GRM8: variants seen among roughly 807,000 people sequenced by gnomAD.
The protein encoded by GRM8 is metabotropic glutamate receptor 8.
Under a neutral mutation model 87.2 loss-of-function variants are expected in GRM8, and 47 were observed. That is an observed-to-expected ratio of 0.54 (90% CI 0.43 to 0.69). The LOEUF (loss-of-function observed/expected upper bound fraction) is 0.69, where lower values mean the gene tolerates loss of function less well. GRM8 is among the 30% of genes least tolerant of loss of function. The pLI, the probability that GRM8 is intolerant of heterozygous loss-of-function variation, is 0.00. For missense variants in GRM8, 1,019 were observed against 1,139.2 expected, an observed-to-expected ratio of 0.89 and a Z score of 1.52; for synonymous variants, 396 against 404.5, an observed-to-expected ratio of 0.98 and a Z score of 0.25.
chr7:127,213,066 G>A (rs917026173), intron 2 of GRM8, among the ~76,000 whole-genome samples: 6 of 152,140 alleles, frequency 3.9e-5, no homozygotes, highest in African/African-American at 1.2e-4. Flanking sequence ...TAATTGTACC[G>A]AGGGATATGA....
At chr7:126,584,306 A>AC (rs79805581) in intron 8 of GRM8, among the ~76,000 whole-genome samples, 46,854 of 151,624 alleles carry the variant, frequency 0.31, 8,099 homozygotes, top group East Asian at 0.44. Context: ...GCTCATTGCA[A>AC]CTCCATCTCC....
intron 3 of GRM8, among the ~76,000 whole-genome samples, chr7:127,022,768 G>A (rs1471400059): frequency 6.6e-6 from 1 of 152,032 alleles, no homozygotes; most frequent in East Asian, 1.9e-4. Context: ...TGTACATTTT[G>A]TTTCACCAAT....
chr7:126,523,501 T>A (rs1453337283), intron 9 of GRM8, among the ~76,000 whole-genome samples: 1 of 151,260 alleles, frequency 6.6e-6, no homozygotes, highest in African/African-American at 2.4e-5. Flanking sequence ...CCTCTCAATT[T>A]TTTTTTTTTT....
intron 7 of GRM8, among the ~76,000 whole-genome samples, chr7:126,763,814 T>C (rs1805758505): frequency 6.6e-6 from 1 of 151,974 alleles, no homozygotes; most frequent in Non-Finnish European, 1.5e-5. Context: ...ACTGGAATTA[T>C]AACATGCCTG....
intron 3 of GRM8, among the ~76,000 whole-genome samples, chr7:127,052,692 C>T (rs1367190434): frequency 2.0e-5 from 3 of 152,256 alleles, no homozygotes; most frequent in South Asian, 2.1e-4. Flanking sequence ...TTAGGCATCA[C>T]CTCTATCTCC....
At chr7:126,988,074 T>TAA (rs5887321) in intron 3 of GRM8, among the ~76,000 whole-genome samples, 1 of 148,216 alleles carries the variant, frequency 6.7e-6, no homozygotes, top group South Asian at 2.1e-4. Context: ...GCTCTTCGTT[T>TAA]AAAAAAAAAA....
intron 9 of GRM8, among the ~76,000 whole-genome samples, chr7:126,478,953 A>G (rs1321239903): frequency 6.6e-6 from 1 of 152,088 alleles, no homozygotes; most frequent in Non-Finnish European, 1.5e-5. Flanking sequence ...ATATGGGTAA[A>G]TCTGTTTTCA....
intron 7 of GRM8, among the ~76,000 whole-genome samples, chr7:126,632,148 T>G (rs1263546075): frequency 6.6e-6 from 1 of 152,140 alleles, no homozygotes; most frequent in Non-Finnish European, 1.5e-5. Flanking sequence ...AAAGGTCTGA[T>G]AGCCAGAATC....
chr7:126,477,115 T>C (rs930306321), intron 9 of GRM8, among the ~76,000 whole-genome samples: 3 of 152,160 alleles, frequency 2.0e-5, no homozygotes. Flanking sequence ...TGGAGAACAT[T>C]ACGCTAAGTG....
At chr7:127,053,929 A>G (rs1819731695) in intron 3 of GRM8, among the ~76,000 whole-genome samples, 2 of 152,086 alleles carry the variant, frequency 1.3e-5, no homozygotes, top group Admixed American at 1.3e-4. Flanking sequence ...TTGATATACT[A>G]TGCTAGTGAC....
intron 6 of GRM8, among the ~76,000 whole-genome samples, chr7:126,799,002 G>C (rs1361630158): frequency 6.6e-6 from 1 of 152,134 alleles, no homozygotes; most frequent in East Asian, 1.9e-4. Flanking sequence ...GACTGCCTCA[G>C]AGACATTATA....
intron 6 of GRM8, among the ~76,000 whole-genome samples, chr7:126,818,434 C>A (rs1196051046): frequency 6.6e-6 from 1 of 152,022 alleles, no homozygotes; most frequent in Admixed American, 6.6e-5. Flanking sequence ...GGAAGGAAAA[C>A]CAGAAGATAT....
intron 2 of GRM8, among the ~76,000 whole-genome samples, chr7:127,143,181 T>C (rs1828372053): frequency 6.6e-6 from 1 of 152,112 alleles, no homozygotes; most frequent in South Asian, 2.1e-4. Context: ...CCTACAGTTC[T>C]AATAGGTAAG....
At chr7:126,808,577 A>G (rs767002777) in intron 6 of GRM8, among the ~76,000 whole-genome samples, 10 of 152,200 alleles carry the variant, frequency 6.6e-5, no homozygotes, top group Non-Finnish European at 1.3e-4. Context: ...TCTTCCTTAG[A>G]GCAAACATAC....
intron 2 of GRM8, among the ~76,000 whole-genome samples, chr7:127,130,373 G>A (rs536472870): frequency 3.9e-5 from 6 of 152,154 alleles, no homozygotes; most frequent in African/African-American, 4.8e-5. Context: ...GGAGACAGAA[G>A]AATGTTTAGA....
At chr7:126,539,583 T>C (rs1816300345) in intron 8 of GRM8, among the ~76,000 whole-genome samples, 1 of 152,010 alleles carries the variant, frequency 6.6e-6, no homozygotes, top group African/African-American at 2.4e-5. Flanking sequence ...AGTACAGGCA[T>C]AATAATAAAC....
chr7:126,748,657 C>A (rs1231336495), intron 7 of GRM8, among the ~76,000 whole-genome samples: 1 of 119,798 alleles, frequency 8.3e-6, no homozygotes, highest in African/African-American at 3.2e-5. Flanking sequence ...AAAATTCATA[C>A]ATAGATGCAA....
intron 9 of GRM8, 81 bp downstream of exon 9, chr7:126,532,871 C>T (rs1286625946): frequency 1.6e-5 from 12 of 740,266 alleles, no homozygotes; most frequent in Admixed American, 5.6e-5. Context: ...TATAAGTGAA[C>T]CAAATAAAAG....
intron 2 of GRM8, among the ~76,000 whole-genome samples, chr7:127,165,192 A>ATATT (rs1793378270): frequency 2.4e-5 from 3 of 122,762 alleles, no homozygotes; most frequent in Admixed American, 1.8e-4. Flanking sequence ...ATATATATAT[A>ATATT]TTCAGGTTTC....
Sources: gnomAD v4.1 joint callset for allele counts (sites outside exome capture counted in the v4.1 genomes callset) on GRCh38, gnomAD v4.1.1 for gene constraint, MANE v1.5 for transcripts, NCBI Gene and HGNC (gene_info 2026-07-23, HGNC 2026-07-21) for gene names.